ZSWIM7: variants seen among roughly 807,000 people sequenced by gnomAD.
The protein encoded by ZSWIM7 is zinc finger SWIM-type containing 7.
Under a neutral mutation model 21.1 loss-of-function variants are expected in ZSWIM7, and 22 were observed. That is an observed-to-expected ratio of 1.04 (90% CI 0.74 to 1.49). ZSWIM7 has a LOEUF of 1.49. ZSWIM7 is among the 40% of genes most tolerant of loss of function. The probability of loss-of-function intolerance (pLI) is 0.00; values close to 1 mark genes in which losing one functional copy is unlikely to be tolerated. For missense variants in ZSWIM7, 193 were observed against 168.0 expected (o/e 1.15, Z -0.82); for synonymous variants, 67 against 66.5 (o/e 1.01, Z -0.04).
At chr17:15,979,629 A>C (rs1597436258) in intron 4 of ZSWIM7, among the ~76,000 whole-genome samples, 1 of 128,980 alleles carries the variant, frequency 7.8e-6, no homozygotes, top group Non-Finnish European at 1.6e-5. Flanking sequence ...TGACCCCCCC[A>C]CCTCCCTCCC....
rs999057065 is a variant in ZSWIM7, at chr17:15,978,847, G to A, written c.307-684C>T. Among the ~76,000 whole-genome samples, 7 of 152,092 alleles carry A rather than the reference G, an allele frequency of 4.6e-5. No homozygotes were observed. In the South Asian group the frequency reaches 1.5e-3, roughly 32 times the overall value. Reference sequence around the variant, plus strand: ...TTAACATTCCTTGAGGCACTAGGCTGTGAAGTGCTTCTCATAGATTATCTC... The same window carrying A: ...TTAACATTCCTTGAGGCACTAGGCTATGAAGTGCTTCTCATAGATTATCTC... On this transcript the variant is annotated intron_variant, in intron 4 of 4. Coordinates refer to ENST00000399277, the MANE Select transcript of ZSWIM7 (RefSeq NM_001042697.2).
chr17:15,984,318 A>G (rs1272413496), intron 3 of ZSWIM7, among the ~76,000 whole-genome samples: 4 of 152,254 alleles, frequency 2.6e-5, no homozygotes, highest in Non-Finnish European at 4.4e-5. Context: ...GGATAACATA[A>G]TTCAATTCCT....
chr17:15,988,032 TG>T (rs1438766636), intron 2 of ZSWIM7, among the ~76,000 whole-genome samples: 6 of 152,222 alleles, frequency 3.9e-5, no homozygotes, highest in Non-Finnish European at 7.3e-5. Context: ...ATGCATTTGT[TG>T]GTTTCCTTCC....
chr17:15,992,762 T>C (rs1294609222), intron 2 of ZSWIM7, among the ~76,000 whole-genome samples: 1 of 152,112 alleles, frequency 6.6e-6, no homozygotes, highest in Non-Finnish European at 1.5e-5. Flanking sequence ...TTTAAAACAA[T>C]GTTAAATAAG....
intron 3 of ZSWIM7, among the ~76,000 whole-genome samples, chr17:15,985,901 A>G (rs560058833): frequency 6.6e-6 from 1 of 152,324 alleles, no homozygotes; most frequent in African/African-American, 2.4e-5. Context: ...AAACACCAGG[A>G]AAGAGGACAG....
intron 4 of ZSWIM7, 144 bp from the exon 5 acceptor site, chr17:15,978,307 G>GGA (rs1216939787): frequency 1.5e-6 from 1 of 652,690 alleles, no homozygotes; most frequent in Non-Finnish European, 2.7e-6. Context: ...TGTCTAAAAA[G>GGA]TGCAGATGGG....
At position 15,978,119 on chromosome 17, in the gene ZSWIM7, G is replaced by A. The variant is rs1241015732; in HGVS notation, c.351C>T (p.Thr117=). ...LAVYLSQVMR[T]CQQLSVSDKQ... is the part of the protein sequence containing the mutation. ...TGTCAGAGACACTTAGCTGCTGACA[G>A]GTCCTCATAACCTGACTCAGGTAAA... Residue 117 remains threonine, a synonymous_variant, in exon 5 of 5, where the codon ACC becomes ACT. Coordinates refer to ENST00000399277, the MANE Select transcript of ZSWIM7 (RefSeq NM_001042697.2). 20 of 1,614,138 alleles carry A rather than the reference G, an allele frequency of 1.2e-5. No homozygotes were observed. The highest frequency in any genetic ancestry group is 1.7e-5 in the Non-Finnish European group (20 of 1,179,994).
chr17:15,997,442 CTAAA>C (rs769511900), intron 1 of ZSWIM7, among the ~76,000 whole-genome samples: 1 of 152,108 alleles, frequency 6.6e-6, no homozygotes, highest in Non-Finnish European at 1.5e-5. Flanking sequence ...ATGTAAAAAA[CTAAA>C]TAAGCACATA....
At chr17:15,978,207 A>AG (rs1278355639) in intron 4 of ZSWIM7, 44 bp from the exon 5 acceptor site, 1 of 1,457,504 alleles carries the variant, frequency 6.9e-7, no homozygotes, top group Non-Finnish European at 9.6e-7. Flanking sequence ...AGGCAGGGCC[A>AG]GGGCTGGCCA....
rs149424883 is a variant in ZSWIM7 at position 15,993,348 on chromosome 17, T to TTTTATTTATTTATTTA, written c.98+393_98+408dup. On this transcript the variant is annotated intron_variant, in intron 2 of 4. Transcript: ENST00000399277. ...GTAGTAAGAATATTTTTATTTTTTA[T>TTTTATTTATTTATTTA]TTTATTTATTTATTTATTTATTTAT... Among the ~76,000 whole-genome samples the TTTTATTTATTTATTTA allele has an allele frequency of 2.2e-3, 319 of 142,436 alleles. 2 individuals are homozygous for TTTTATTTATTTATTTA. Among genetic ancestry groups the TTTTATTTATTTATTTA allele is most frequent in the African/African-American group, 8.5e-3 (307 of 36,234 alleles). The allele number at this position is 142,436 out of a possible 152,430, so 93.4% of individuals were successfully genotyped here.
intron 3 of ZSWIM7, 71 bp from the exon 4 acceptor site, chr17:15,981,215 A>G: frequency 1.8e-6 from 2 of 1,129,798 alleles, no homozygotes; most frequent in Non-Finnish European, 2.6e-6. Flanking sequence ...CTTTTTATTT[A>G]TGTAGACTCA....
In ZSWIM7 at chr17:15,977,421, C is replaced by G. The variant is rs1567787708; in HGVS notation, c.*626G>C. The stretch of plus-strand genomic sequence containing the variant: ...TTAGTTACTTAAGACTAAATAGGGT[C>G]AGGCGCAGTGGCTCATGCATGTAAT... On this transcript the variant is annotated 3_prime_UTR_variant, in exon 5 of 5. Coordinates refer to ENST00000399277, the MANE Select transcript of ZSWIM7 (RefSeq NM_001042697.2). 6.6e-6 allele frequency: 1 copy of G among 152,156 alleles called. No individual in the cohort carries two copies. Among genetic ancestry groups the G allele is most frequent in the African/African-American group, 2.4e-5 (1 of 41,448 alleles). 9.4% of individuals were successfully genotyped at this position (152,156 alleles called of 1,614,324 possible). A position where few individuals can be genotyped will look rare whatever the true frequency, so the allele number is the denominator to read the frequency against.
At chr17:15,994,770 A>G (rs1970527539) in intron 1 of ZSWIM7, among the ~76,000 whole-genome samples, 3 of 152,174 alleles carry the variant, frequency 2.0e-5, no homozygotes, top group Non-Finnish European at 4.4e-5. Flanking sequence ...AGGAGACTGG[A>G]AGTCTTCCCT....
chr17:15,980,970 TTA>T (rs1970347956), intron 4 of ZSWIM7, 68 bp downstream of exon 4: 8 of 1,172,686 alleles, frequency 6.8e-6, no homozygotes, highest in East Asian at 5.1e-5. Flanking sequence ...TGTAGAATAG[TTA>T]AACCACAAAG....
At chr17:15,999,425 G>T (rs752191794) in intron 1 of ZSWIM7, 94 bp downstream of exon 1, 1 of 1,466,170 alleles carries the variant, frequency 6.8e-7, no homozygotes, top group Non-Finnish European at 9.3e-7. Context: ...GCAGGGCCAG[G>T]CCCGGACACC....
Position 15,980,969 on chromosome 17 carries a change from G to C in ZSWIM7, c.306+71C>G, listed in dbSNP as rs1384036124. The C allele has an allele frequency of 8.6e-6, 10 of 1,158,400 alleles. No individual in the cohort carries two copies. The South Asian group carries it at 1.2e-4, about 14-fold the overall frequency. 71.8% of individuals were successfully genotyped at this position (1,158,400 alleles called of 1,614,324 possible). A position where few individuals can be genotyped will look rare whatever the true frequency, so the allele number is the denominator to read the frequency against. On this transcript the variant is annotated intron_variant, in intron 4 of 4. Coordinates refer to ENST00000399277, the MANE Select transcript of ZSWIM7 (RefSeq NM_001042697.2). ...AATAAGATTCCCATTTTGTAGAATA[G>C]TTAAACCACAAAGTAAGGGCAATTT... is the stretch of plus-strand genomic sequence containing the variant.
At chr17:15,982,446 T>C (rs558672459) in intron 3 of ZSWIM7, among the ~76,000 whole-genome samples, 1 of 152,228 alleles carries the variant, frequency 6.6e-6, no homozygotes, top group African/African-American at 2.4e-5. Context: ...GCAATCTAAA[T>C]GAAAAAGCAA....
At chr17:15,985,312 A>G (rs1213670061) in intron 3 of ZSWIM7, among the ~76,000 whole-genome samples, 5 of 152,048 alleles carry the variant, frequency 3.3e-5, no homozygotes, top group Non-Finnish European at 7.4e-5. Context: ...TTAAAAAAAA[A>G]AAAAAAAAAT....
At chr17:15,991,923 G>GTTT (rs1567571402) in intron 2 of ZSWIM7, among the ~76,000 whole-genome samples, 3 of 128,412 alleles carry the variant, frequency 2.3e-5, no homozygotes, top group East Asian at 2.2e-4. Context: ...TGTTTGTTTT[G>GTTT]TTTTGTTTTG....
Sources: allele counts gnomAD v4.1 joint callset (sites outside exome capture counted in the v4.1 genomes callset), GRCh38; gene constraint gnomAD v4.1.1; transcripts MANE v1.5; gene names NCBI Gene and HGNC (gene_info 2026-07-23, HGNC 2026-07-21).